MIPOL1: variants seen among roughly 807,000 people sequenced by gnomAD.
The protein encoded by MIPOL1 is mirror-image polydactyly 1, also known as mirror-image polydactyly gene 1 protein.
Under a neutral mutation model 60.9 loss-of-function variants are expected in MIPOL1, and 57 were observed. The ratio of observed to expected loss-of-function variants is 0.94; its 90% CI spans 0.76 to 1.17. MIPOL1 has a LOEUF of 1.17. Ranked by LOEUF, MIPOL1 falls within the 50% of genes most tolerant of loss-of-function variation. The probability of loss-of-function intolerance (pLI) is 0.00; values close to 1 mark genes in which losing one functional copy is unlikely to be tolerated. For synonymous variants in MIPOL1, 179 were observed against 168.8 expected (o/e 1.06, Z -0.47); for missense variants, 551 against 511.6 (o/e 1.08, Z -0.74).
chr14:37,211,707 T>TG (rs1235659156), intron 1 of MIPOL1, among the ~76,000 whole-genome samples: 1 of 151,974 alleles, frequency 6.6e-6, no homozygotes, highest in African/African-American at 2.4e-5. Context: ...GGACTGTGGT[T>TG]GGGGGGCATG....
intron 9 of MIPOL1, among the ~76,000 whole-genome samples, chr14:37,313,782 A>C (rs1038955568): frequency 3.3e-5 from 5 of 152,150 alleles, no homozygotes; most frequent in African/African-American, 1.2e-4. Context: ...TTATATTGCC[A>C]GGCTTGATTA....
At chr14:37,311,766 T>A (rs1464841358) in intron 9 of MIPOL1, among the ~76,000 whole-genome samples, 1 of 152,190 alleles carries the variant, frequency 6.6e-6, no homozygotes, top group African/African-American at 2.4e-5. Context: ...CATTGTGATA[T>A]GTTTGTTAAA....
chr14:37,287,202 T>C (rs1474881674), intron 7 of MIPOL1, among the ~76,000 whole-genome samples: 1 of 150,450 alleles, frequency 6.6e-6, no homozygotes, highest in Non-Finnish European at 1.5e-5. Flanking sequence ...TATATGTATA[T>C]ATGTAAAATA....
At chr14:37,528,152 GAAAA>G (rs34860923) in intron 12 of MIPOL1, among the ~76,000 whole-genome samples, 1 of 151,718 alleles carries the variant, frequency 6.6e-6, no homozygotes, top group Non-Finnish European at 1.5e-5. Context: ...ATTCATTTTA[GAAAA>G]AGTTTAAAAT....
intron 9 of MIPOL1, among the ~76,000 whole-genome samples, chr14:37,359,804 C>A (rs1347516153): frequency 6.6e-6 from 1 of 152,146 alleles, no homozygotes; most frequent in African/African-American, 2.4e-5. Flanking sequence ...AATTGAATAT[C>A]TTTTATTTCT....
At chr14:37,253,684 G>T (rs1277855032) in intron 3 of MIPOL1, among the ~76,000 whole-genome samples, 1 of 151,578 alleles carries the variant, frequency 6.6e-6, no homozygotes, top group Non-Finnish European at 1.5e-5. Context: ...TGAAATGATT[G>T]TAATAGTATT....
intron 11 of MIPOL1, among the ~76,000 whole-genome samples, chr14:37,478,065 T>G (rs1390594770): frequency 1.3e-5 from 2 of 152,240 alleles, no homozygotes; most frequent in Non-Finnish European, 2.9e-5. Context: ...TGGACAGCAG[T>G]GTAAGTGTGA....
chr14:37,313,880 C>G (rs565461334), intron 9 of MIPOL1, among the ~76,000 whole-genome samples: 18 of 152,220 alleles, frequency 1.2e-4, no homozygotes, highest in African/African-American at 4.3e-4. Context: ...GAAACTAGCA[C>G]TGTTTCTACT....
chr14:37,538,627 T>C (rs2095516967), intron 12 of MIPOL1, among the ~76,000 whole-genome samples: 1 of 152,202 alleles, frequency 6.6e-6, no homozygotes, highest in African/African-American at 2.4e-5. Flanking sequence ...CAGCTGCTCG[T>C]GCTCCACCCT....
intron 11 of MIPOL1, among the ~76,000 whole-genome samples, chr14:37,430,438 C>G (rs1415022697): frequency 2.0e-5 from 3 of 151,140 alleles, no homozygotes; most frequent in Non-Finnish European, 4.4e-5. Flanking sequence ...CTTCACTGTT[C>G]AAGTCACTAT....
intron 12 of MIPOL1, among the ~76,000 whole-genome samples, chr14:37,536,880 G>A (rs1325942760): frequency 6.6e-6 from 1 of 152,150 alleles, no homozygotes; most frequent in Admixed American, 6.5e-5. Context: ...GTATCCCCTT[G>A]TGTTTGGGAT....
At chr14:37,450,506 A>C (rs1227576945) in intron 11 of MIPOL1, among the ~76,000 whole-genome samples, 2 of 152,044 alleles carry the variant, frequency 1.3e-5, no homozygotes, top group Non-Finnish European at 2.9e-5. Flanking sequence ...TTTCTCATGG[A>C]AGATAATTTT....
chr14:37,276,645 A>T (rs1313924362), intron 6 of MIPOL1: 1 of 151,260 alleles, frequency 6.6e-6, no homozygotes, highest in Non-Finnish European at 1.5e-5. Flanking sequence ...CATAACTTTT[A>T]TCTTTAAGAA....
intron 10 of MIPOL1, among the ~76,000 whole-genome samples, chr14:37,389,699 G>A (rs2093179086): frequency 6.7e-6 from 1 of 149,336 alleles, no homozygotes; most frequent in South Asian, 2.2e-4. Flanking sequence ...ATTATCTGCA[G>A]GCAGAAATCT....
At chr14:37,482,383 A>G (rs1434707278) in intron 11 of MIPOL1, among the ~76,000 whole-genome samples, 1 of 152,188 alleles carries the variant, frequency 6.6e-6, no homozygotes, top group Non-Finnish European at 1.5e-5. Flanking sequence ...ATCTTACACC[A>G]GTCAGCATGG....
chr14:37,454,077 G>C (rs767101867), intron 11 of MIPOL1, among the ~76,000 whole-genome samples: 2 of 152,158 alleles, frequency 1.3e-5, no homozygotes, highest in Non-Finnish European at 2.9e-5. Flanking sequence ...AAGTGGATCT[G>C]GTTAGCCATG....
At chr14:37,463,275 G>A (rs149180122) in intron 11 of MIPOL1, among the ~76,000 whole-genome samples, 193 of 152,218 alleles carry the variant, frequency 1.3e-3, no homozygotes, top group African/African-American at 4.3e-3. Context: ...GAACAGCACA[G>A]GAAAGACCCA....
At chr14:37,204,233 C>T (rs1479154825) in intron 1 of MIPOL1, among the ~76,000 whole-genome samples, 10 of 152,114 alleles carry the variant, frequency 6.6e-5, no homozygotes, top group Non-Finnish European at 1.2e-4. Context: ...CCAAGCAACA[C>T]TCAATTTCTG....
chr14:37,407,469 A>T (rs2093606435), intron 10 of MIPOL1, among the ~76,000 whole-genome samples: 1 of 152,148 alleles, frequency 6.6e-6, no homozygotes, highest in African/African-American at 2.4e-5. Context: ...TCAATTATAT[A>T]ATTAGTCATA....
Sources: allele counts gnomAD v4.1 joint callset (sites outside exome capture counted in the v4.1 genomes callset), GRCh38; gene constraint gnomAD v4.1.1; transcripts MANE v1.5; gene names NCBI Gene and HGNC (gene_info 2026-07-23, HGNC 2026-07-21).